The following SNTG1 variants were observed in gnomAD, a reference collection of about 807,000 sequenced individuals.
SNTG1 encodes gamma-1-syntrophin.
In SNTG1, 39 loss-of-function variants were observed where a neutral mutation model predicts 74.7. The observed-to-expected ratio is 0.52, with a 90% confidence interval of 0.40 to 0.68. The LOEUF is 0.68. Ranked by LOEUF, SNTG1 falls within the 30% of genes least tolerant of loss-of-function variation. SNTG1 has a pLI of 0.00. For synonymous variants in SNTG1, 254 were observed against 217.1 expected, an observed-to-expected ratio of 1.17 and a Z score of -1.49; for missense variants, 685 against 609.5, an observed-to-expected ratio of 1.12 and a Z score of -1.30.
chr8:50,774,388 TAATAAG>T (rs1209570302), intron 18 of SNTG1, among the ~76,000 whole-genome samples: 1 of 151,898 alleles, frequency 6.6e-6, no homozygotes, highest in East Asian at 1.9e-4. Context: ...AAAGAGTCGT[TAATAAG>T]AATAACAGCT....
intron 2 of SNTG1, among the ~76,000 whole-genome samples, chr8:50,310,233 A>G (rs1479177603): frequency 6.6e-6 from 1 of 152,202 alleles, no homozygotes; most frequent in Non-Finnish European, 1.5e-5. Context: ...ATTATTCTCT[A>G]GTTTTATTAA....
intron 1 of SNTG1, among the ~76,000 whole-genome samples, chr8:50,043,088 T>C (rs1818781833): frequency 6.6e-6 from 1 of 152,232 alleles, no homozygotes; most frequent in Non-Finnish European, 1.5e-5. Flanking sequence ...TTATTTTCCT[T>C]CTACTCTGAA....
At chr8:50,355,008 A>G (rs917998527) in intron 2 of SNTG1, among the ~76,000 whole-genome samples, 2 of 152,182 alleles carry the variant, frequency 1.3e-5, no homozygotes, top group South Asian at 2.1e-4. Flanking sequence ...GTCTTTTAAG[A>G]AAAGAAAACT....
chr8:50,780,354 G>A (rs1246914929), intron 18 of SNTG1, among the ~76,000 whole-genome samples: 1 of 152,128 alleles, frequency 6.6e-6, no homozygotes, highest in Non-Finnish European at 1.5e-5. Flanking sequence ...TGGTTGGTAA[G>A]CTATTGATTA....
At chr8:50,689,899 G>A (rs2095370086) in intron 15 of SNTG1, among the ~76,000 whole-genome samples, 1 of 152,168 alleles carries the variant, frequency 6.6e-6, no homozygotes, top group Admixed American at 6.5e-5. Context: ...TGGTTGGTAA[G>A]CTATTGATTA....
intron 1 of SNTG1, among the ~76,000 whole-genome samples, chr8:50,032,866 C>G (rs1817847511): frequency 6.6e-6 from 1 of 152,098 alleles, no homozygotes. Flanking sequence ...AGGATATAAT[C>G]AAATTTTTTA....
At chr8:50,246,761 C>T (rs1320292540) in intron 2 of SNTG1, among the ~76,000 whole-genome samples, 1 of 152,112 alleles carries the variant, frequency 6.6e-6, no homozygotes, top group African/African-American at 2.4e-5. Flanking sequence ...TTTGACCCTC[C>T]AGAGAGTCAA....
At chr8:50,716,334 A>G (rs2095474981) in intron 17 of SNTG1, among the ~76,000 whole-genome samples, 1 of 152,178 alleles carries the variant, frequency 6.6e-6, no homozygotes, top group African/African-American at 2.4e-5. Context: ...TGTAAGTAGA[A>G]ATCTTCACTA....
chr8:50,359,261 T>TCCACATTTA (rs1237358409), intron 2 of SNTG1, among the ~76,000 whole-genome samples: 3 of 152,172 alleles, frequency 2.0e-5, no homozygotes, highest in Non-Finnish European at 4.4e-5. Flanking sequence ...TGACAGGGTC[T>TCCACATTTA]CCACATTTAC....
chr8:50,678,000 A>T (rs1451298205), intron 15 of SNTG1, among the ~76,000 whole-genome samples: 1 of 151,830 alleles, frequency 6.6e-6, no homozygotes, highest in African/African-American at 2.4e-5. Flanking sequence ...AAGGGGAGGG[A>T]ATTTAGTGGA....
At chr8:49,974,486 T>G (rs16914122) in intron 1 of SNTG1, among the ~76,000 whole-genome samples, 7,452 of 152,270 alleles carry the variant, frequency 0.049, 606 homozygotes, top group African/African-American at 0.17. Flanking sequence ...GGTCTTTCAC[T>G]TCAAGTTCCT....
intron 17 of SNTG1, among the ~76,000 whole-genome samples, chr8:50,720,347 C>T (rs551266987): frequency 6.6e-6 from 1 of 152,230 alleles, no homozygotes; most frequent in African/African-American, 2.4e-5. Context: ...CTTAGCTAAC[C>T]TCTTCTCATT....
intron 2 of SNTG1, among the ~76,000 whole-genome samples, chr8:50,377,881 A>T (rs573598066): frequency 1.8e-4 from 28 of 152,382 alleles, no homozygotes; most frequent in Non-Finnish European, 3.5e-4. Flanking sequence ...CAACTTTGTG[A>T]AAAAGCAGAG....
chr8:50,681,014 A>C (rs2095328740), intron 15 of SNTG1, among the ~76,000 whole-genome samples: 1 of 152,140 alleles, frequency 6.6e-6, no homozygotes, highest in Non-Finnish European at 1.5e-5. Flanking sequence ...GTTTTAGGAG[A>C]AATGCTTTCA....
intron 1 of SNTG1, among the ~76,000 whole-genome samples, chr8:50,106,117 A>G (rs1035494915): frequency 6.6e-6 from 1 of 152,114 alleles, no homozygotes; most frequent in African/African-American, 2.4e-5. Flanking sequence ...TGGTTAATCT[A>G]TGAAGAAAAG....
At chr8:50,773,402 CA>C (rs932535468) in intron 18 of SNTG1, among the ~76,000 whole-genome samples, 1 of 151,932 alleles carries the variant, frequency 6.6e-6, no homozygotes, top group African/African-American at 2.4e-5. Flanking sequence ...AAGATCTGTG[CA>C]AGAAGAAAGT....
chr8:50,521,877 A>C (rs560811530), intron 9 of SNTG1, among the ~76,000 whole-genome samples: 3 of 152,206 alleles, frequency 2.0e-5, no homozygotes, highest in Admixed American at 2.0e-4. Context: ...TATTTCCATC[A>C]CATCTACTCT....
intron 1 of SNTG1, among the ~76,000 whole-genome samples, chr8:50,152,377 T>C (rs1191343390): frequency 6.6e-6 from 1 of 152,202 alleles, no homozygotes; most frequent in South Asian, 2.1e-4. Context: ...CCAGTCTGTG[T>C]CTTTTAATTG....
At chr8:50,230,808 G>A (rs2132060829) in intron 2 of SNTG1, among the ~76,000 whole-genome samples, 1 of 147,634 alleles carries the variant, frequency 6.8e-6, no homozygotes, top group Non-Finnish European at 1.5e-5. Flanking sequence ...GAAGAAAATA[G>A]GGGGAAAACT....
Sources: gnomAD v4.1 joint callset for allele counts (sites outside exome capture counted in the v4.1 genomes callset) on GRCh38, gnomAD v4.1.1 for gene constraint, MANE v1.5 for transcripts, NCBI Gene and HGNC (gene_info 2026-07-23, HGNC 2026-07-21) for gene names.